Variants in RTN4 observed in about 807,000 individuals in gnomAD.
The protein encoded by RTN4 is reticulon 4.
A neutral mutation model predicts 90.4 loss-of-function variants in RTN4; 32 were observed. The observed-to-expected ratio is 0.35, with a 90% CI of 0.27 to 0.48. The LOEUF (loss-of-function observed/expected upper bound fraction) is 0.48. Among genes scored for constraint, RTN4 ranks in the 20% least tolerant of loss-of-function variants. The probability of loss-of-function intolerance (pLI) is 0.99; values close to 1 mark genes in which losing one functional copy is unlikely to be tolerated. For synonymous variants in RTN4, 629 were observed against 552.5 expected (o/e 1.14, Z -1.94); for missense variants, 1,706 against 1,430.2 (o/e 1.19, Z -3.11).
At chr2:55,130,567 A>AAAAAATACAAAAATATCTACG in the RTN4 span, among the ~76,000 whole-genome samples, 1 of 152,206 alleles carries the variant, frequency 6.6e-6, no homozygotes, top group Admixed American at 6.5e-5. Context: ...CCGGAACAAC[A>AAAAAATACAAAAATATCTACG]AAAAATACAA....
At chr2:55,123,545 T>C in the RTN4 span, among the ~76,000 whole-genome samples, 28 of 152,050 alleles carry the variant, frequency 1.8e-4, no homozygotes, top group Non-Finnish European at 2.5e-4. Flanking sequence ...CAATTGAAAA[T>C]GAAGTTGCTA....
At chr2:55,033,050 T>TA (rs141554598) in intron 1 of RTN4, among the ~76,000 whole-genome samples, 38,382 of 125,592 alleles carry the variant, frequency 0.31, 5,454 homozygotes, top group African/African-American at 0.35. Context: ...CTGAAGAAGT[T>TA]AAAAAAAAAA....
chr2:55,051,465 C>A (rs1668087737), upstream of RTN4, among the ~76,000 whole-genome samples: 2 of 152,184 alleles, frequency 1.3e-5, no homozygotes, highest in Admixed American at 1.3e-4. Context: ...GATCCCCATT[C>A]CACTTTTTAT....
intron 5 of RTN4, among the ~76,000 whole-genome samples, chr2:54,979,875 T>G (rs1189938757): frequency 2.0e-5 from 3 of 152,228 alleles, no homozygotes; most frequent in East Asian, 3.8e-4. Flanking sequence ...CAAGCAGGTT[T>G]CCTTGAGCTC....
the RTN4 span, among the ~76,000 whole-genome samples, chr2:55,131,467 C>T: frequency 6.6e-6 from 1 of 152,150 alleles, no homozygotes; most frequent in Non-Finnish European, 1.5e-5. Flanking sequence ...CTGGGCCTCC[C>T]AAAGTTCTAG....
the RTN4 span, among the ~76,000 whole-genome samples, chr2:55,129,156 A>G: frequency 3.2e-4 from 48 of 152,114 alleles, no homozygotes; most frequent in Non-Finnish European, 2.9e-5. Flanking sequence ...GAGGCAAAGG[A>G]TATAAAGAGG....
chr2:55,125,107 C>A, the RTN4 span, among the ~76,000 whole-genome samples: 2 of 152,086 alleles, frequency 1.3e-5, no homozygotes, highest in African/African-American at 4.8e-5. Flanking sequence ...AAAAATTCAA[C>A]TAAAGATGAA....
At chr2:54,975,389 A>G (rs1677538843) in intron 5 of RTN4, among the ~76,000 whole-genome samples, 2 of 152,216 alleles carry the variant, frequency 1.3e-5, no homozygotes, top group African/African-American at 4.8e-5. Flanking sequence ...TTAGTAGGTA[A>G]CAAACATGAT....
intron 1 of RTN4, among the ~76,000 whole-genome samples, chr2:55,102,607 T>A (rs548444191): frequency 6.6e-6 from 1 of 152,286 alleles, no homozygotes; most frequent in South Asian, 2.1e-4. Context: ...CTGATTGGAC[T>A]TGACACATGG....
At chr2:55,051,547 T>A (rs550429633), upstream of RTN4, among the ~76,000 whole-genome samples, 2 of 152,326 alleles carry the variant, frequency 1.3e-5, no homozygotes, top group African/African-American at 4.8e-5. Context: ...ATCTTTCTGA[T>A]TTACCTTTCA....
chr2:55,121,901 A>C, the RTN4 span, among the ~76,000 whole-genome samples: 1 of 152,196 alleles, frequency 6.6e-6, no homozygotes, highest in Non-Finnish European at 1.5e-5. Context: ...TTCTGAAAAC[A>C]TACAGAAAAA....
chr2:54,987,209 A>T (rs1678634103), intron 4 of RTN4, among the ~76,000 whole-genome samples: 1 of 152,210 alleles, frequency 6.6e-6, no homozygotes. Context: ...AAGATACAAC[A>T]CTCATTCAAG....
At chr2:55,104,255 C>A (rs1193627239) in intron 1 of RTN4, among the ~76,000 whole-genome samples, 1 of 151,700 alleles carries the variant, frequency 6.6e-6, no homozygotes, top group Non-Finnish European at 1.5e-5. Flanking sequence ...CAGGGTTTCA[C>A]CATGTGGGCC....
chr2:55,058,933 C>T (rs1442736007), intron 2 of RTN4, among the ~76,000 whole-genome samples: 1 of 151,850 alleles, frequency 6.6e-6, no homozygotes, highest in Non-Finnish European at 1.5e-5. Context: ...GTCTTGAACT[C>T]TTGAGCTCAA....
At chr2:55,086,897 C>T (rs1668852532) in intron 1 of RTN4, among the ~76,000 whole-genome samples, 1 of 150,626 alleles carries the variant, frequency 6.6e-6, no homozygotes, top group East Asian at 1.9e-4. Context: ...TGGCCTCAAG[C>T]GATCCTTCTG....
chr2:54,992,966 C>T (rs936603319), intron 3 of RTN4, among the ~76,000 whole-genome samples: 11 of 150,092 alleles, frequency 7.3e-5, no homozygotes, highest in African/African-American at 2.5e-4. Flanking sequence ...CCCAGCTACT[C>T]AGGAGGCTGA....
intron 4 of RTN4, among the ~76,000 whole-genome samples, chr2:54,985,777 A>G (rs1678511721): frequency 6.6e-6 from 1 of 152,190 alleles, no homozygotes. Context: ...TTACCCATTA[A>G]TATCAACTGG....
intron 2 of RTN4, among the ~76,000 whole-genome samples, chr2:55,077,910 G>A (rs1360618614): frequency 6.6e-6 from 1 of 152,028 alleles, no homozygotes; most frequent in Admixed American, 6.6e-5. Context: ...CACTTAGAAT[G>A]GAAAACCAGA....
At chr2:54,973,913 G>T in intron 6 of RTN4, 46 bp from the exon 7 acceptor site, 1 of 1,538,490 alleles carries the variant, frequency 6.5e-7, no homozygotes, top group South Asian at 1.2e-5. Flanking sequence ...GGAATGATTT[G>T]GGAGGAATAA....
Sources: gnomAD v4.1 joint callset for allele counts (sites outside exome capture counted in the v4.1 genomes callset) on GRCh38, gnomAD v4.1.1 for gene constraint, MANE v1.5 for transcripts, NCBI Gene and HGNC (gene_info 2026-07-23, HGNC 2026-07-21) for gene names.